ASIC2: variants seen among roughly 807,000 people sequenced by gnomAD.
The protein encoded by ASIC2 is acid-sensing ion channel 2.
ASIC2 carries 25 observed loss-of-function variants against 57.3 expected under a neutral mutation model. The observed-to-expected ratio is 0.44, with a 90% CI of 0.32 to 0.61. The LOEUF (loss-of-function observed/expected upper bound fraction) is 0.61. Among genes scored for constraint, ASIC2 ranks in the 20% least tolerant of loss-of-function variants. ASIC2 has a pLI of 0.06. For synonymous variants in ASIC2, 319 were observed against 307.5 expected (o/e 1.04, Z -0.39); for missense variants, 641 against 738.1 (o/e 0.87, Z 1.52).
chr17:33,549,094 G>A (rs904049914), intron 1 of ASIC2, among the ~76,000 whole-genome samples: 3 of 152,174 alleles, frequency 2.0e-5, no homozygotes. Flanking sequence ...GGAACTGTAT[G>A]TTTCCTTGAT....
At chr17:33,703,209 G>A (rs1908757425) in intron 1 of ASIC2, among the ~76,000 whole-genome samples, 1 of 152,174 alleles carries the variant, frequency 6.6e-6, no homozygotes, top group Non-Finnish European at 1.5e-5. Context: ...TGAGCAAGGG[G>A]GCAAATGCTG....
At chr17:34,096,208 G>T (rs940027669) in intron 1 of ASIC2, among the ~76,000 whole-genome samples, 1 of 152,164 alleles carries the variant, frequency 6.6e-6, no homozygotes, top group African/African-American at 2.4e-5. Flanking sequence ...GATCTTGAAG[G>T]CCTCTCAGAG....
intron 3 of ASIC2, among the ~76,000 whole-genome samples, chr17:33,045,226 C>A (rs112208862): frequency 7.9e-5 from 12 of 152,290 alleles, no homozygotes; most frequent in African/African-American, 2.9e-4. Context: ...GTATCACTAG[C>A]AGGTCTCGCC....
At chr17:33,392,179 CT>C (rs1567846126) in intron 1 of ASIC2, among the ~76,000 whole-genome samples, 1 of 18,064 alleles carries the variant, frequency 5.5e-5, no homozygotes, top group Non-Finnish European at 1.3e-4. Flanking sequence ...TTCTTCCTTC[CT>C]TCCTTCCTTC....
intron 1 of ASIC2, among the ~76,000 whole-genome samples, chr17:34,035,557 CT>C (rs1233950158): frequency 6.6e-6 from 1 of 151,810 alleles, no homozygotes; most frequent in Non-Finnish European, 1.5e-5. Flanking sequence ...TAAAGAGCTT[CT>C]GCACATCAAA....
At chr17:33,279,386 T>C (rs1648298463) in intron 1 of ASIC2, among the ~76,000 whole-genome samples, 1 of 152,176 alleles carries the variant, frequency 6.6e-6, no homozygotes, top group South Asian at 2.1e-4. Context: ...ACATGGAAGC[T>C]GGAAAATTCT....
intron 1 of ASIC2, among the ~76,000 whole-genome samples, chr17:33,548,721 A>G (rs1915656191): frequency 6.6e-6 from 1 of 152,118 alleles, no homozygotes; most frequent in Non-Finnish European, 1.5e-5. Context: ...TGTTTTTCCA[A>G]GATTCCCCAC....
intron 1 of ASIC2, among the ~76,000 whole-genome samples, chr17:33,832,834 G>T (rs1360842626): frequency 6.6e-6 from 1 of 152,176 alleles, no homozygotes; most frequent in East Asian, 1.9e-4. Context: ...TTCTATGCAG[G>T]CCCTTCGGAA....
At chr17:33,199,943 C>A (rs1361124351) in intron 1 of ASIC2, among the ~76,000 whole-genome samples, 2 of 152,124 alleles carry the variant, frequency 1.3e-5, no homozygotes, top group Non-Finnish European at 1.5e-5. Context: ...CGTTCCCTAT[C>A]CCCTGGAGCC....
At chr17:33,961,156 C>A (rs1036928500) in intron 1 of ASIC2, among the ~76,000 whole-genome samples, 8 of 152,090 alleles carry the variant, frequency 5.3e-5, no homozygotes, top group Non-Finnish European at 7.4e-5. Flanking sequence ...ACAGAAGAAC[C>A]AAAATAATTT....
chr17:33,185,934 A>G (rs1906175591), intron 1 of ASIC2, among the ~76,000 whole-genome samples: 1 of 152,198 alleles, frequency 6.6e-6, no homozygotes, highest in South Asian at 2.1e-4. Flanking sequence ...TCCTGGCCCC[A>G]TCTAATAAAG....
chr17:34,137,078 C>T (rs905141543), intron 1 of ASIC2, among the ~76,000 whole-genome samples: 1 of 152,232 alleles, frequency 6.6e-6, no homozygotes, highest in Non-Finnish European at 1.5e-5. Context: ...GAATCACTCT[C>T]GCTCCCTCTG....
chr17:33,129,936 C>A (rs547724888), intron 1 of ASIC2, among the ~76,000 whole-genome samples: 14 of 152,212 alleles, frequency 9.2e-5, no homozygotes, highest in Non-Finnish European at 2.1e-4. Context: ...CGCCACTGGG[C>A]GGCTGAACAG....
intron 1 of ASIC2, among the ~76,000 whole-genome samples, chr17:33,677,429 A>G (rs1907860728): frequency 6.6e-6 from 1 of 152,242 alleles, no homozygotes; most frequent in Admixed American, 6.5e-5. Flanking sequence ...TTATTATTCA[A>G]GAAATATATT....
At chr17:33,371,680 A>C (rs936532860) in intron 1 of ASIC2, among the ~76,000 whole-genome samples, 2 of 139,434 alleles carry the variant, frequency 1.4e-5, no homozygotes, top group Non-Finnish European at 3.1e-5. Flanking sequence ...CTCGCAAACT[A>C]TAAATATACT....
chr17:33,844,993 A>G (rs548200163), intron 1 of ASIC2, among the ~76,000 whole-genome samples: 55 of 152,374 alleles, frequency 3.6e-4, no homozygotes, highest in South Asian at 1.7e-3. Context: ...TGAGGCCATG[A>G]TTCAGAACCA....
intron 1 of ASIC2, among the ~76,000 whole-genome samples, chr17:34,017,389 C>A (rs1313750479): frequency 6.6e-6 from 1 of 152,174 alleles, no homozygotes; most frequent in Non-Finnish European, 1.5e-5. Context: ...CCTCACTATT[C>A]CCTGACACCC....
intron 1 of ASIC2, among the ~76,000 whole-genome samples, chr17:33,693,456 A>G (rs1908434136): frequency 6.6e-6 from 1 of 152,138 alleles, no homozygotes; most frequent in Admixed American, 6.5e-5. Context: ...ATTGGCCTGG[A>G]GCTGTCTGGG....
chr17:33,791,390 T>C (rs1251575604), intron 1 of ASIC2, among the ~76,000 whole-genome samples: 1 of 152,178 alleles, frequency 6.6e-6, no homozygotes, highest in Non-Finnish European at 1.5e-5. Flanking sequence ...AGGTTGGTAA[T>C]GCCACATGGT....
Sources: allele counts gnomAD v4.1 joint callset (sites outside exome capture counted in the v4.1 genomes callset), GRCh38; gene constraint gnomAD v4.1.1; transcripts MANE v1.5; gene names NCBI Gene and HGNC (gene_info 2026-07-23, HGNC 2026-07-21).